PCDH15: variants seen among roughly 807,000 people sequenced by gnomAD.
PCDH15 encodes protocadherin-15.
In PCDH15, 129 loss-of-function variants were observed where a neutral mutation model predicts 178.5. The observed-to-expected ratio is 0.72, with a 90% CI of 0.63 to 0.84. The LOEUF (loss-of-function observed/expected upper bound fraction) is 0.84. Ranked by LOEUF, PCDH15 falls within the 40% of genes least tolerant of loss-of-function variation. The probability of loss-of-function intolerance (pLI) is 0.00; values close to 1 mark genes in which losing one functional copy is unlikely to be tolerated. For synonymous variants in PCDH15, 800 were observed against 732.0 expected (o/e 1.09, Z -1.50); for missense variants, 2,230 against 2,099.9 (o/e 1.06, Z -1.21).
At chr10:55,296,413 A>G (rs977268021) in intron 1 of PCDH15, among the ~76,000 whole-genome samples, 1 of 152,208 alleles carries the variant, frequency 6.6e-6, no homozygotes, top group African/African-American at 2.4e-5. Flanking sequence ...TCATCTTATT[A>G]GCATAACCTT....
intron 2 of PCDH15, among the ~76,000 whole-genome samples, chr10:55,542,295 GTACAATATGTCCATATATGGACATATA>G (rs1178576571): frequency 6.6e-6 from 1 of 150,606 alleles, no homozygotes; most frequent in Admixed American, 6.6e-5. Flanking sequence ...ATGGACATAT[GTACAATATGTCCATATATGGACATATA>G]TACCCTATGC....
At chr10:55,061,058 G>A (rs1372512747) in intron 2 of PCDH15, among the ~76,000 whole-genome samples, 1 of 151,978 alleles carries the variant, frequency 6.6e-6, no homozygotes, top group Non-Finnish European at 1.5e-5. Context: ...CAAATTCTAT[G>A]AAAAAAATTG....
intron 18 of PCDH15, among the ~76,000 whole-genome samples, chr10:54,051,259 A>C (rs770280528): frequency 3.9e-5 from 6 of 152,218 alleles, no homozygotes; most frequent in Non-Finnish European, 8.8e-5. Context: ...AGAGGCTGGA[A>C]CAGTTTGGGG....
chr10:53,970,503 T>G (rs567231889), intron 21 of PCDH15, among the ~76,000 whole-genome samples: 1 of 70,788 alleles, frequency 1.4e-5, no homozygotes, highest in Admixed American at 1.8e-4. Context: ...CCAGGAGCTG[T>G]TTTTTTTTAA....
At chr10:54,801,342 A>G (rs1266752410), upstream of PCDH15, 6 of 152,228 alleles carry the variant, frequency 3.9e-5, no homozygotes, top group East Asian at 1.2e-3. Context: ...TTCTCGCAGC[A>G]CATACAGGAG....
intron 3 of PCDH15, among the ~76,000 whole-genome samples, chr10:54,449,260 A>G (rs1251265802): frequency 6.6e-6 from 1 of 151,810 alleles, no homozygotes; most frequent in Non-Finnish European, 1.5e-5. Flanking sequence ...AGGTAATAAT[A>G]CCATGTAAGT....
intron 8 of PCDH15, among the ~76,000 whole-genome samples, chr10:54,264,113 A>G (rs1227575471): frequency 6.6e-6 from 1 of 151,836 alleles, no homozygotes; most frequent in East Asian, 1.9e-4. Flanking sequence ...AGGCTTTGGG[A>G]CTCGGACTGC....
chr10:54,796,395 T>C (rs1952019130), intron 1 of PCDH15, among the ~76,000 whole-genome samples: 1 of 151,812 alleles, frequency 6.6e-6, no homozygotes, highest in African/African-American at 2.4e-5. Flanking sequence ...TCAGTCTCCC[T>C]TTCTGTCTCT....
intron 1 of PCDH15, among the ~76,000 whole-genome samples, chr10:55,212,962 G>C (rs1054213598): frequency 6.6e-6 from 1 of 152,024 alleles, no homozygotes; most frequent in Non-Finnish European, 1.5e-5. Context: ...CTTATTATAA[G>C]GTAGAACAGC....
At chr10:55,251,014 C>A (rs1841822860) in intron 1 of PCDH15, among the ~76,000 whole-genome samples, 1 of 152,050 alleles carries the variant, frequency 6.6e-6, no homozygotes, top group Non-Finnish European at 1.5e-5. Flanking sequence ...TGACAATTCA[C>A]ATGCAGTTGT....
chr10:54,636,443 T>A (rs1033086407), intron 2 of PCDH15, among the ~76,000 whole-genome samples: 3 of 133,846 alleles, frequency 2.2e-5, no homozygotes, highest in Non-Finnish European at 5.2e-5. Flanking sequence ...GTCTCTTTTC[T>A]GCATACTGTA....
chr10:55,017,724 G>A (rs1417363284), intron 2 of PCDH15, among the ~76,000 whole-genome samples: 1 of 151,832 alleles, frequency 6.6e-6, no homozygotes, highest in African/African-American at 2.4e-5. Context: ...TGTAAACTTT[G>A]ACTTTGAGGG....
At chr10:54,417,994 C>T (rs1954700906) in intron 3 of PCDH15, among the ~76,000 whole-genome samples, 1 of 152,152 alleles carries the variant, frequency 6.6e-6, no homozygotes, top group Admixed American at 6.5e-5. Context: ...TGCGTTACAG[C>T]TTCAAACTAC....
At chr10:54,477,864 T>A (rs1339129801) in intron 3 of PCDH15, among the ~76,000 whole-genome samples, 2 of 152,190 alleles carry the variant, frequency 1.3e-5, no homozygotes, top group African/African-American at 4.8e-5. Context: ...ATTACAGGCA[T>A]GAGCTACTGC....
chr10:54,146,225 A>T (rs943312783), intron 14 of PCDH15, among the ~76,000 whole-genome samples: 7 of 152,044 alleles, frequency 4.6e-5, no homozygotes, highest in Admixed American at 4.6e-4. Flanking sequence ...TTTTAAAAAG[A>T]ATGTATAATC....
intron 2 of PCDH15, among the ~76,000 whole-genome samples, chr10:55,587,121 T>C (rs1041929427): frequency 3.3e-5 from 5 of 151,934 alleles, no homozygotes; most frequent in Non-Finnish European, 7.4e-5. Flanking sequence ...TTTTGTATTG[T>C]TAACAGGGAA....
chr10:54,346,272 G>T, intron 6 of PCDH15, 93 bp downstream of exon 6: 1 of 1,213,198 alleles, frequency 8.2e-7, no homozygotes, highest in Non-Finnish European at 1.2e-6. Context: ...TCTGGTTCTG[G>T]AAGTTACTGA....
At chr10:53,997,706 G>T (rs2091922087) in intron 20 of PCDH15, among the ~76,000 whole-genome samples, 3 of 152,106 alleles carry the variant, frequency 2.0e-5, no homozygotes, top group Admixed American at 2.0e-4. Flanking sequence ...GTATTCATTG[G>T]ATTCACCTTC....
chr10:55,375,122 A>G (rs1176951763), intron 2 of PCDH15, among the ~76,000 whole-genome samples: 1 of 152,094 alleles, frequency 6.6e-6, no homozygotes, highest in Non-Finnish European at 1.5e-5. Flanking sequence ...TCTTTTGGTA[A>G]TTGTGTTATG....
Sources: allele counts gnomAD v4.1 joint callset (sites outside exome capture counted in the v4.1 genomes callset), GRCh38; gene constraint gnomAD v4.1.1; transcripts MANE v1.5; gene names NCBI Gene and HGNC (gene_info 2026-07-23, HGNC 2026-07-21).